Variants in TMC1 observed in about 807,000 individuals in gnomAD.
TMC1 encodes the protein transmembrane channel-like protein 1.
Under a neutral mutation model 105.8 loss-of-function variants are expected in TMC1, and 84 were observed. The observed-to-expected ratio is 0.79, with a 90% CI of 0.67 to 0.95. The LOEUF (loss-of-function observed/expected upper bound fraction) is 0.95. Among genes scored for constraint, TMC1 ranks in the 40% least tolerant of loss-of-function variants. The pLI, the probability that TMC1 is intolerant of heterozygous loss-of-function variation, is 0.00. For missense variants in TMC1, 817 were observed against 914.1 expected (o/e 0.89, Z 1.37); for synonymous variants, 315 against 311.5 (o/e 1.01, Z -0.12).
intron 4 of TMC1, 58 bp from the exon 5 acceptor site, chr9:72,648,539 G>A (rs1026467019): frequency 1.1e-5 from 11 of 961,468 alleles, no homozygotes; most frequent in African/African-American, 9.6e-5. Context: ...TCAGTGGCAG[G>A]CAGAAGTGTG....
intron 4 of TMC1, among the ~76,000 whole-genome samples, chr9:72,642,103 C>T (rs1464155529): frequency 6.6e-6 from 1 of 152,148 alleles, no homozygotes; most frequent in African/African-American, 2.4e-5. Flanking sequence ...AGGAGTGAGC[C>T]ACTGTGCCTG....
intron 17 of TMC1, among the ~76,000 whole-genome samples, chr9:72,802,742 A>T (rs1253993581): frequency 1.3e-5 from 2 of 152,216 alleles, no homozygotes; most frequent in Non-Finnish European, 2.9e-5. Context: ...GGACACAAAC[A>T]TATGTGAAAA....
intron 5 of TMC1, among the ~76,000 whole-genome samples, chr9:72,676,343 T>A (rs1255867751): frequency 6.6e-6 from 1 of 152,194 alleles, no homozygotes; most frequent in Non-Finnish European, 1.5e-5. Context: ...GTTTTCCTTA[T>A]CTTCCTAAAA....
intron 1 of TMC1, among the ~76,000 whole-genome samples, chr9:72,523,036 T>C (rs777701921): frequency 6.6e-6 from 1 of 152,228 alleles, no homozygotes; most frequent in South Asian, 2.1e-4. Context: ...AGGAGCAAAA[T>C]TGTCTCCAGT....
intron 13 of TMC1, among the ~76,000 whole-genome samples, chr9:72,777,063 A>G (rs1208712615): frequency 4.6e-5 from 7 of 152,182 alleles, no homozygotes; most frequent in African/African-American, 1.7e-4. Flanking sequence ...AGACTCTTGC[A>G]TATTCCAAGA....
At chr9:72,628,614 G>C (rs1451588245) in intron 4 of TMC1, among the ~76,000 whole-genome samples, 1 of 152,104 alleles carries the variant, frequency 6.6e-6, no homozygotes, top group Non-Finnish European at 1.5e-5. Context: ...TTTTAGAAGG[G>C]GAAAGTAGAG....
At chr9:72,827,725 C>A (rs1427485094) in intron 21 of TMC1, among the ~76,000 whole-genome samples, 1 of 152,208 alleles carries the variant, frequency 6.6e-6, no homozygotes, top group Non-Finnish European at 1.5e-5. Context: ...TCCATCTCTT[C>A]CTTTCAGTCC....
rs1827015485 is a variant in TMC1 at position 72,721,073 on chromosome 9, G to A, written c.363-19046G>A. 3.9e-5 allele frequency among the ~76,000 whole-genome samples: 6 copies of A among 152,140 alleles called. No individual in the cohort carries two copies. The South Asian group carries it at 1.2e-3, about 32-fold the overall frequency. The stretch of plus-strand genomic sequence containing the variant: ...CTATTATTAAGAATTTTAAGATGAT[G>A]AAAGAAACCAGAATATGCCAGCTCT... On this transcript the variant is annotated intron_variant, in intron 8 of 23. Transcript: ENST00000297784.
chr9:72,776,870 A>G (rs1045924034), intron 13 of TMC1, among the ~76,000 whole-genome samples: 11 of 151,988 alleles, frequency 7.2e-5, no homozygotes, highest in Middle Eastern at 3.4e-3. Context: ...ACAATCATCA[A>G]TATAGACTGA....
At chr9:72,738,983 A>T (rs185747728) in intron 8 of TMC1, among the ~76,000 whole-genome samples, 1 of 152,098 alleles carries the variant, frequency 6.6e-6, no homozygotes, top group East Asian at 1.9e-4. Context: ...CTTTTTTGTA[A>T]ATTTTTTTTT....
At chr9:72,768,205 C>T (rs1229113490) in intron 12 of TMC1, among the ~76,000 whole-genome samples, 9 of 151,946 alleles carry the variant, frequency 5.9e-5, no homozygotes, top group Non-Finnish European at 8.8e-5. Flanking sequence ...CCATCATTCT[C>T]AGCAAACTAA....
At chr9:72,709,411 C>T (rs1406737831) in intron 8 of TMC1, among the ~76,000 whole-genome samples, 1 of 151,946 alleles carries the variant, frequency 6.6e-6, no homozygotes, top group Non-Finnish European at 1.5e-5. Flanking sequence ...CTTTCTCTTT[C>T]TTGTGGAATA....
At chr9:72,641,797 G>T in intron 4 of TMC1, among the ~76,000 whole-genome samples, 1 of 149,684 alleles carries the variant, frequency 6.7e-6, no homozygotes. Context: ...ATGCTTATAA[G>T]GTAGTCCCAA....
At chr9:72,713,282 G>A (rs547589877) in intron 8 of TMC1, among the ~76,000 whole-genome samples, 2 of 152,262 alleles carry the variant, frequency 1.3e-5, no homozygotes, top group South Asian at 4.1e-4. Flanking sequence ...GATGATGCTG[G>A]CCTCATAAAA....
intron 5 of TMC1, among the ~76,000 whole-genome samples, chr9:72,685,100 CT>C (rs71359515): frequency 0.011 from 1,012 of 91,028 alleles, 4 homozygotes; most frequent in African/African-American, 0.024. Context: ...TAAAGTCATT[CT>C]TTTTTTTTTT....
intron 3 of TMC1, among the ~76,000 whole-genome samples, chr9:72,623,606 A>G (rs924167417): frequency 6.6e-6 from 1 of 152,174 alleles, no homozygotes; most frequent in African/African-American, 2.4e-5. Context: ...TCTAATGAGC[A>G]GGTTCGATCA....
Position 72,694,619 on chromosome 9 carries a change from T to A in TMC1, c.141T>A (p.Asp47Glu), listed in dbSNP as rs140388347. ...SLRPKRKRTRDVINEDDPEPE... is the reference protein window; with the variant it reads ...SLRPKRKRTREVINEDDPEPE... The stretch of plus-strand genomic sequence containing the variant: ...GACCAAAGAGGAAACGGACCAGAGA[T>A]GTTATCAATGAGGATGACCCAGAAC... The change falls in exon 7 of 24, where the codon GAT (aspartate) becomes GAA (glutamate). Residue 47 changes from aspartate (D) to glutamate (E), a missense_variant. Asp to Glu is a conservative substitution (Grantham distance 45). Transcript: ENST00000297784. The A allele has an allele frequency of 1.0e-4, 163 of 1,612,932 alleles. No individual in the cohort carries two copies. The African/African-American group carries it at 2.0e-3, about 20-fold the overall frequency.
chr9:72,645,596 A>G (rs1307305446), intron 4 of TMC1, among the ~76,000 whole-genome samples: 1 of 152,168 alleles, frequency 6.6e-6, no homozygotes, highest in Admixed American at 6.5e-5. Context: ...GTGTTTTGAG[A>G]AAGTCAAAGC....
At chr9:72,609,288 T>C (rs1030088026) in intron 2 of TMC1, among the ~76,000 whole-genome samples, 6 of 151,684 alleles carry the variant, frequency 4.0e-5, no homozygotes, top group African/African-American at 1.2e-4. Context: ...CCTGTAATCC[T>C]AGCACTTTGG....
Sources: allele counts gnomAD v4.1 joint callset (sites outside exome capture counted in the v4.1 genomes callset), GRCh38; gene constraint gnomAD v4.1.1; transcripts MANE v1.5; gene names NCBI Gene and HGNC (gene_info 2026-07-23, HGNC 2026-07-21).